The following ST6GALNAC6 variants were observed in gnomAD, a reference collection of about 807,000 sequenced individuals.
ST6GALNAC6 encodes the protein alpha-N-acetylgalactosaminide alpha-2,6-sialyltransferase 6.
ST6GALNAC6 carries 19 observed loss-of-function variants against 34.3 expected under a neutral mutation model. The observed-to-expected ratio is 0.55, with a 90% confidence interval of 0.39 to 0.81. ST6GALNAC6 has a LOEUF of 0.81. Ranked by LOEUF, ST6GALNAC6 falls within the 40% of genes least tolerant of loss-of-function variation. ST6GALNAC6 has a pLI of 0.00. For missense variants in ST6GALNAC6, 377 were observed against 467.7 expected, an observed-to-expected ratio of 0.81 and a Z score of 1.79; for synonymous variants, 185 against 182.1, an observed-to-expected ratio of 1.02 and a Z score of -0.13.
chr9:127,899,365 G>A, intron 1 of ST6GALNAC6, 138 bp downstream of exon 1: 1 of 417,072 alleles, frequency 2.4e-6, no homozygotes, highest in Non-Finnish European at 3.2e-6. Flanking sequence ...AAGGGGGAAG[G>A]GGTCTAGGGG....
At position 127,890,697 on chromosome 9, in the gene ST6GALNAC6, A is replaced by G; in HGVS notation, c.644T>C (p.Val215Ala). The G allele has an allele frequency of 6.2e-7, 1 of 1,613,434 alleles. No homozygotes were observed. The highest frequency in any genetic ancestry group is 8.5e-7 in the Non-Finnish European group (1 of 1,179,984). Residue 215 changes from valine (V) to alanine (A), a missense_variant, in exon 5 of 7, where the codon GTC (valine) becomes GCC (alanine). Coordinates refer to ENST00000373146, the MANE Select transcript of ST6GALNAC6 (RefSeq NM_013443.5). This position sits in a 1 kb window ranked among gnomAD's most constrained non-coding sequence, Gnocchi z 4.3. Reference protein sequence around the residue: ...LVFPNMEAYAVSPGRMRQFDD... With the variant: ...LVFPNMEAYAASPGRMRQFDD... ...AAATTGCCGCATGCGGCCGGGAGAG[A>G]CGGCATATGCTTCCATGTTGGGGAA...
chr9:127,904,275 C>T (rs1193883568), upstream of ST6GALNAC6: 1 of 152,106 alleles, frequency 6.6e-6, no homozygotes, highest in Admixed American at 6.5e-5. Context: ...TACACGGAAG[C>T]CTTGGGTCTG....
chr9:127,896,059 C>T (rs1266678646), intron 3 of ST6GALNAC6, among the ~76,000 whole-genome samples, 183 bp downstream of exon 3: 1 of 152,190 alleles, frequency 6.6e-6, no homozygotes, highest in East Asian at 1.9e-4. Context: ...AGGAGCTTGC[C>T]CTAAGCCACT....
At position 127,890,687 on chromosome 9, in the gene ST6GALNAC6, G is replaced by T. The variant is rs755282668; in HGVS notation, c.654C>A (p.Gly218=). ...AGAGGTCGTCAAATTGCCGCATGCG[G>T]CCGGGAGAGACGGCATATGCTTCCA... ...PNMEAYAVSP[G]RMRQFDDLFR... Residue 218 remains glycine (G), a synonymous_variant, in exon 5 of 7, where the codon GGC becomes GGA. Transcript: ENST00000373146. The surrounding 1 kb of genome is among the most constrained non-coding windows in gnomAD (Gnocchi z 4.3). 1.9e-6 allele frequency: 3 copies of T among 1,613,484 alleles called. No individual in the cohort carries two copies. The highest frequency in any genetic ancestry group is 2.5e-6 in the Non-Finnish European group (3 of 1,180,034).
chr9:127,899,354 C>T (rs1272802971), intron 1 of ST6GALNAC6, 149 bp downstream of exon 1: 2 of 368,046 alleles, frequency 5.4e-6, no homozygotes, highest in Non-Finnish European at 7.5e-6. Context: ...GCGCGGCTAC[C>T]AAGGGGGAAG....
At chr9:127,903,278 T>A (rs553000965), upstream of ST6GALNAC6, 16 of 152,312 alleles carry the variant, frequency 1.1e-4, no homozygotes, top group Admixed American at 1.0e-3. Flanking sequence ...ATTACAGGCA[T>A]CAGCCACCGC....
chr9:127,906,146 C>CG, upstream of ST6GALNAC6: 1 of 473,032 alleles, frequency 2.1e-6, no homozygotes, highest in Non-Finnish European at 2.8e-6. Context: ...AAGCCAAGGG[C>CG]GGGAGGGAGA....
At chr9:127,905,887 C>T, upstream of ST6GALNAC6, 2 of 970,400 alleles carry the variant, frequency 2.1e-6, no homozygotes, top group Non-Finnish European at 2.5e-6. Context: ...CCCTCTGAGC[C>T]CGGAAACCCC....
chr9:127,897,005 T>A (rs1485214865), intron 2 of ST6GALNAC6: 1 of 948,872 alleles, frequency 1.1e-6, no homozygotes. Context: ...TCTGAGAGGC[T>A]CGGTTCTAGT....
rs1830062077 is a variant in ST6GALNAC6, at chr9:127,890,377, G to T, written c.704+260C>A. ...TGCAACCTCAGAGCAGAGCATGCTG[G>T]GTGGGAGCCCTTGTGCCCTCACAGC... is the stretch of plus-strand genomic sequence containing the variant. On this transcript the variant is annotated intron_variant, in intron 5 of 6. Coordinates refer to ENST00000373146, the MANE Select transcript of ST6GALNAC6 (RefSeq NM_013443.5). This position sits in a 1 kb window ranked among gnomAD's most constrained non-coding sequence, Gnocchi z 4.3. Among the ~76,000 whole-genome samples, 1 of 152,198 alleles carries T rather than the reference G, an allele frequency of 6.6e-6. No individual in the cohort carries two copies. The highest frequency in any genetic ancestry group is 2.4e-5 in the African/African-American group (1 of 41,450).
Position 127,899,553 on chromosome 9 carries a change from G to A in ST6GALNAC6, c.-80C>T, listed in dbSNP as rs1274397289. The A allele has an allele frequency of 2.0e-6, 2 of 980,858 alleles. No homozygotes were observed. The highest frequency in any genetic ancestry group is 3.5e-5 in the African/African-American group (2 of 56,742). The allele number at this position is 980,858 out of a possible 1,614,324, so 60.8% of individuals were successfully genotyped here. A position where few individuals can be genotyped will look rare whatever the true frequency, so the allele number is the denominator to read the frequency against. On this transcript the variant is annotated 5_prime_UTR_variant, in exon 1 of 7. Coordinates refer to ENST00000373146, the MANE Select transcript of ST6GALNAC6 (RefSeq NM_013443.5). ...CGCGGCCCCCGAGCCCCCTCACATG[G>A]CGCCGGGAGCCGAGCGCCGGGGTCC...
upstream of ST6GALNAC6, among the ~76,000 whole-genome samples, chr9:127,900,560 C>CAAAA (rs71380101): frequency 6.2e-3 from 272 of 44,178 alleles, 47 homozygotes; most frequent in East Asian, 0.04. Flanking sequence ...AACTCCGTCT[C>CAAAA]AAAAAAAAAA....
upstream of ST6GALNAC6, among the ~76,000 whole-genome samples, chr9:127,902,746 G>A (rs762106682): frequency 1.5e-4 from 22 of 150,362 alleles, no homozygotes; most frequent in Admixed American, 2.0e-4. Flanking sequence ...GTGCTACCAC[G>A]CTCGGCTAAT....
upstream of ST6GALNAC6, chr9:127,899,696 C>CGG: frequency 1.0e-6 from 1 of 980,868 alleles, no homozygotes; most frequent in Non-Finnish European, 1.2e-6. Flanking sequence ...CGGGTGGCTC[C>CGG]GCCCACGGGC....
intron 2 of ST6GALNAC6, 75 bp from the exon 3 acceptor site, chr9:127,896,407 C>T: frequency 7.8e-7 from 1 of 1,287,748 alleles, no homozygotes; most frequent in South Asian, 1.4e-5. Context: ...ACCTTCTCTG[C>T]CCCGCACTAG....
At chr9:127,905,233 G>A in exon 1 of ST6GALNAC6, 1 of 985,552 alleles carries the variant, frequency 1.0e-6, no homozygotes, top group South Asian at 4.7e-5. Context: ...GAACTGCTGT[G>A]GCAAAAGCAG....
chr9:127,893,083 G>T (rs1188649660), intron 4 of ST6GALNAC6, among the ~76,000 whole-genome samples: 4 of 152,180 alleles, frequency 2.6e-5, no homozygotes, highest in Non-Finnish European at 5.9e-5. Context: ...AAGCTGTCCG[G>T]CTGTAACAGA....
At chr9:127,905,726 G>A (rs1333946417), upstream of ST6GALNAC6, among the ~76,000 whole-genome samples, 3 of 152,200 alleles carry the variant, frequency 2.0e-5, no homozygotes, top group South Asian at 4.1e-4. Context: ...CCTAAGCCAT[G>A]GGGATAGTCC....
chr9:127,888,217 A>C (rs1206210445), intron 5 of ST6GALNAC6, among the ~76,000 whole-genome samples: 1 of 152,148 alleles, frequency 6.6e-6, no homozygotes, highest in Non-Finnish European at 1.5e-5. Context: ...AAAAAATTAA[A>C]ACTTAGCCAG....
Sources: allele counts gnomAD v4.1 joint callset (sites outside exome capture counted in the v4.1 genomes callset), GRCh38; gene constraint gnomAD v4.1.1; non-coding constraint Gnocchi (gnomAD v3.1); transcripts MANE v1.5; gene names NCBI Gene and HGNC (gene_info 2026-07-23, HGNC 2026-07-21).